SNTG1: variants seen among roughly 807,000 people sequenced by gnomAD.
SNTG1 encodes syntrophin gamma 1.
Under a neutral mutation model 74.7 loss-of-function variants are expected in SNTG1, and 39 were observed. The observed-to-expected ratio is 0.52, with a 90% confidence interval of 0.40 to 0.68. SNTG1 has a LOEUF of 0.68. SNTG1 is among the 30% of genes least tolerant of loss of function. The pLI is 0.00. For missense variants in SNTG1, 685 were observed against 609.5 expected, an observed-to-expected ratio of 1.12 and a Z score of -1.30; for synonymous variants, 254 against 217.1, an observed-to-expected ratio of 1.17 and a Z score of -1.49.
At chr8:50,632,185 A>G (rs1563671460) in intron 13 of SNTG1, among the ~76,000 whole-genome samples, 1 of 152,132 alleles carries the variant, frequency 6.6e-6, no homozygotes, top group Non-Finnish European at 1.5e-5. Context: ...TTATAGTTAC[A>G]TTCTAGCCTT....
chr8:50,787,213 A>C (rs1438376542), intron 18 of SNTG1, among the ~76,000 whole-genome samples: 1 of 151,960 alleles, frequency 6.6e-6, no homozygotes, highest in African/African-American at 2.4e-5. Context: ...AGATATTCAA[A>C]TTGTCAATAA....
At chr8:50,615,556 G>C (rs1481058728) in intron 13 of SNTG1, among the ~76,000 whole-genome samples, 1 of 152,102 alleles carries the variant, frequency 6.6e-6, no homozygotes, top group East Asian at 1.9e-4. Context: ...GAAGTAGAGG[G>C]ATAAGAAATC....
At chr8:50,043,743 G>T (rs1413800295) in intron 1 of SNTG1, among the ~76,000 whole-genome samples, 1 of 152,174 alleles carries the variant, frequency 6.6e-6, no homozygotes, top group Admixed American at 6.5e-5. Flanking sequence ...TTGTCAGAAA[G>T]TGTTGCTTGT....
intron 15 of SNTG1, among the ~76,000 whole-genome samples, chr8:50,686,792 T>C (rs976832553): frequency 1.3e-5 from 2 of 152,174 alleles, no homozygotes; most frequent in African/African-American, 4.8e-5. Context: ...AAATAGACTA[T>C]TGTAAGCTTT....
intron 8 of SNTG1, among the ~76,000 whole-genome samples, chr8:50,501,855 A>G (rs1388056318): frequency 6.6e-6 from 1 of 152,082 alleles, no homozygotes; most frequent in African/African-American, 2.4e-5. Context: ...GTATTTAACA[A>G]GATATATTTC....
chr8:50,774,814 A>T (rs1364157830), intron 18 of SNTG1, among the ~76,000 whole-genome samples: 6 of 151,688 alleles, frequency 4.0e-5, no homozygotes, highest in Non-Finnish European at 5.9e-5. Context: ...AACCCAAAGA[A>T]GTGGGGGGAA....
At chr8:50,761,506 G>T (rs1184544790) in intron 18 of SNTG1, among the ~76,000 whole-genome samples, 1 of 151,886 alleles carries the variant, frequency 6.6e-6, no homozygotes, top group Non-Finnish European at 1.5e-5. Context: ...CTTCTCCAAG[G>T]TGAGTTAGGC....
At chr8:50,068,284 C>T (rs1418241490) in intron 1 of SNTG1, among the ~76,000 whole-genome samples, 5 of 152,162 alleles carry the variant, frequency 3.3e-5, no homozygotes, top group Non-Finnish European at 5.9e-5. Context: ...AGGCATTATC[C>T]TCAGGCAGAT....
At chr8:50,180,211 T>C (rs2083152236) in intron 2 of SNTG1, among the ~76,000 whole-genome samples, 1 of 152,188 alleles carries the variant, frequency 6.6e-6, no homozygotes, top group Non-Finnish European at 1.5e-5. Context: ...TTCACTTATA[T>C]GTGGAATCTT....
intron 5 of SNTG1, 38 bp from the exon 6 acceptor site, chr8:50,449,630 T>C (rs1267334262): frequency 6.7e-7 from 1 of 1,500,638 alleles, no homozygotes; most frequent in Non-Finnish European, 9.0e-7. Context: ...GCATTTTTTT[T>C]AGATTAAAAA....
In SNTG1 at chr8:50,672,359, T is replaced by C. The variant is rs189749236; in HGVS notation, c.1038+13696T>C. Among the ~76,000 whole-genome samples the C allele has an allele frequency of 2.7e-3, 417 of 152,280 alleles. 4 individuals are homozygous for C. Among genetic ancestry groups the C allele is most frequent in the Admixed American group, 0.025 (382 of 15,268 alleles). Reference sequence around the variant, plus strand: ...TCTCCACCATCTATTGTTTCTTAACTTTTTAATAATCACCATTCTAACTAG... The same window carrying C: ...TCTCCACCATCTATTGTTTCTTAACCTTTTAATAATCACCATTCTAACTAG... On this transcript the variant is annotated intron_variant, in intron 15 of 18. Transcript: ENST00000642720.
intron 2 of SNTG1, among the ~76,000 whole-genome samples, chr8:50,352,631 T>G (rs1024599327): frequency 3.9e-5 from 6 of 152,054 alleles, no homozygotes; most frequent in Non-Finnish European, 8.8e-5. Context: ...CCTCAGGTGA[T>G]CCACCCGCCT....
At chr8:50,679,282 A>G (rs2095322110) in intron 15 of SNTG1, among the ~76,000 whole-genome samples, 1 of 152,120 alleles carries the variant, frequency 6.6e-6, no homozygotes, top group Non-Finnish European at 1.5e-5. Flanking sequence ...TGGATTACTG[A>G]ATTAGTTGGT....
chr8:50,709,888 A>T (rs1353947882), intron 17 of SNTG1, among the ~76,000 whole-genome samples: 1 of 152,178 alleles, frequency 6.6e-6, no homozygotes, highest in African/African-American at 2.4e-5. Context: ...TTCATGAGTA[A>T]TCCTTTACCA....
chr8:50,687,388 T>A (rs1041340772), intron 15 of SNTG1, among the ~76,000 whole-genome samples: 2 of 152,190 alleles, frequency 1.3e-5, no homozygotes, highest in Non-Finnish European at 1.5e-5. Flanking sequence ...GACTATATGC[T>A]GATTAAAATA....
intron 9 of SNTG1, among the ~76,000 whole-genome samples, chr8:50,518,254 C>T (rs1395824600): frequency 2.0e-5 from 3 of 152,066 alleles, no homozygotes; most frequent in Non-Finnish European, 4.4e-5. Flanking sequence ...TTCTTTGAAA[C>T]CAATGAGAAC....
chr8:50,415,787 T>G (rs2093006413), intron 4 of SNTG1, among the ~76,000 whole-genome samples: 1 of 152,088 alleles, frequency 6.6e-6, no homozygotes, highest in Non-Finnish European at 1.5e-5. Flanking sequence ...AATAATAAAT[T>G]TATAAGTGGA....
At chr8:50,513,872 C>G (rs2094108572) in intron 9 of SNTG1, among the ~76,000 whole-genome samples, 1 of 152,216 alleles carries the variant, frequency 6.6e-6, no homozygotes, top group Non-Finnish European at 1.5e-5. Context: ...CTAGGTGAGG[C>G]AATGCCTCGC....
In SNTG1 at chr8:50,793,640, G is replaced by A. The variant is rs2095697411; in HGVS notation, c.*811G>A. The A allele has an allele frequency of 6.6e-6, 1 of 151,710 alleles. No homozygotes were observed. The highest frequency in any genetic ancestry group is 1.5e-5 in the Non-Finnish European group (1 of 67,824). 9.4% of individuals were successfully genotyped at this position (151,710 alleles called of 1,614,324 possible). ...AAGAGATTTGTATTTTACCTAATAAGATTTATTATCAAATTAAAGTTTCAT... is the reference window on the plus strand; with the variant it reads ...AAGAGATTTGTATTTTACCTAATAAAATTTATTATCAAATTAAAGTTTCAT... On this transcript the variant is annotated 3_prime_UTR_variant, in exon 19 of 19. Transcript: ENST00000642720.
Sources: gnomAD v4.1 joint callset for allele counts (sites outside exome capture counted in the v4.1 genomes callset) on GRCh38, gnomAD v4.1.1 for gene constraint, MANE v1.5 for transcripts, NCBI Gene and HGNC (gene_info 2026-07-23, HGNC 2026-07-21) for gene names.